EFHB: variants seen among roughly 807,000 people sequenced by gnomAD.
The protein encoded by EFHB is EF-hand domain-containing family member B.
EFHB carries 91 observed loss-of-function variants against 87.2 expected under a neutral mutation model. The observed-to-expected ratio is 1.04, with a 90% CI of 0.88 to 1.24. EFHB has a LOEUF of 1.24. Ranked by LOEUF, EFHB falls within the 50% of genes most tolerant of loss-of-function variation. The pLI, the probability that EFHB is intolerant of heterozygous loss-of-function variation, is 0.00. For synonymous variants in EFHB, 325 were observed against 333.6 expected, an observed-to-expected ratio of 0.97 and a Z score of 0.28; for missense variants, 1,084 against 998.8, an observed-to-expected ratio of 1.09 and a Z score of -1.15.
intron 3 of EFHB, among the ~76,000 whole-genome samples, chr3:19,918,805 T>C (rs963451262): frequency 2.4e-5 from 3 of 126,166 alleles, no homozygotes; most frequent in Admixed American, 1.6e-4. Flanking sequence ...TGAAACCCCA[T>C]AACTACTAAA....
intron 9 of EFHB, among the ~76,000 whole-genome samples, chr3:19,889,393 T>C (rs1169180417): frequency 6.6e-6 from 1 of 152,126 alleles, no homozygotes; most frequent in Non-Finnish European, 1.5e-5. Context: ...AAGGTCCCAG[T>C]TTTCTTGTTT....
chr3:19,883,581 T>A (rs2071735879), intron 11 of EFHB, among the ~76,000 whole-genome samples: 1 of 152,174 alleles, frequency 6.6e-6, no homozygotes, highest in South Asian at 2.1e-4. Flanking sequence ...CCTCCCAAAA[T>A]TTAGATGGTG....
chr3:19,935,608 AG>A (rs1695993689), upstream of EFHB, among the ~76,000 whole-genome samples: 1 of 152,112 alleles, frequency 6.6e-6, no homozygotes, highest in African/African-American at 2.4e-5. Flanking sequence ...GCTACTCAGG[AG>A]GCTGAGGCAA....
At chr3:19,904,427 C>T (rs567621078) in intron 6 of EFHB, among the ~76,000 whole-genome samples, 2 of 152,262 alleles carry the variant, frequency 1.3e-5, no homozygotes, top group Admixed American at 1.3e-4. Context: ...TGGCCTCAAG[C>T]TCCTGGGCTC....
At chr3:19,898,970 A>G in intron 7 of EFHB, 125 bp from the exon 8 acceptor site, 1 of 859,118 alleles carries the variant, frequency 1.2e-6, no homozygotes, top group Non-Finnish European at 1.8e-6. Context: ...TGAAGATCAA[A>G]CAAAAGTTCT....
In EFHB at chr3:19,897,830, C is replaced by T. The variant is rs950513134; in HGVS notation, c.1570+948G>A. Among the ~76,000 whole-genome samples, 13 of 152,216 alleles carry T rather than the reference C, an allele frequency of 8.5e-5. No individual in the cohort carries two copies. The East Asian group carries it at 2.1e-3, about 25-fold the overall frequency. On this transcript the variant is annotated intron_variant, in intron 8 of 12. Coordinates refer to ENST00000295824, the MANE Select transcript of EFHB (RefSeq NM_144715.4). ...TTTGTGTAAAAACAGAACCCAAATA[C>T]AATTTCCTAATGTAGTAATTAATGA... is the stretch of plus-strand genomic sequence containing the variant.
intron 1 of EFHB, among the ~76,000 whole-genome samples, chr3:19,929,792 A>G (rs1695767623): frequency 6.6e-6 from 1 of 152,022 alleles, no homozygotes; most frequent in Non-Finnish European, 1.5e-5. Context: ...GTAATAGTTA[A>G]ATCTTATAAA....
chr3:19,919,355 C>A (rs1260897189), intron 3 of EFHB, among the ~76,000 whole-genome samples: 1 of 151,650 alleles, frequency 6.6e-6, no homozygotes, highest in African/African-American at 2.4e-5. Context: ...TGCTACCATG[C>A]CCCAGCTGCT....
intron 7 of EFHB, 75 bp downstream of exon 7, chr3:19,899,357 C>G: frequency 9.4e-7 from 1 of 1,060,006 alleles, no homozygotes; most frequent in Admixed American, 2.5e-5. Flanking sequence ...AATAGGCACA[C>G]CAACAGTTAC....
chr3:19,921,204 T>A (rs1695424806), intron 1 of EFHB, among the ~76,000 whole-genome samples: 1 of 151,988 alleles, frequency 6.6e-6, no homozygotes, highest in South Asian at 2.1e-4. Context: ...GATGGATGAA[T>A]GAGTAGATGT....
chr3:19,899,418 A>C lies in EFHB; in HGVS notation c.1502+14T>G. 6.4e-7 allele frequency: 1 copy of C among 1,570,334 alleles called. No individual in the cohort carries two copies. Among genetic ancestry groups the C allele is most frequent in the Non-Finnish European group, 8.7e-7 (1 of 1,155,514 alleles). On this transcript the variant is annotated intron_variant, in intron 7 of 12. Coordinates refer to ENST00000295824, the MANE Select transcript of EFHB (RefSeq NM_144715.4). ...GCAAAGAAACTATCAATTTGAAGTT[A>C]ATCATTAACTTACGGATCTAAAACT...
chr3:19,930,757 C>CACAT (rs1695801098), intron 1 of EFHB, among the ~76,000 whole-genome samples: 3 of 152,116 alleles, frequency 2.0e-5, no homozygotes, highest in African/African-American at 7.2e-5. Context: ...CACATACTAC[C>CACAT]ACACCTGGCT....
rs1694403486 is a variant in EFHB at position 19,894,377 on chromosome 3, C to G, written c.1725+2310G>C. ...CTACTGCTACCCAATGTGTAACTCT[C>G]CCTCTAGATTTTCCATTCCCTAAAT... On this transcript the variant is annotated intron_variant, in intron 9 of 12. Coordinates refer to ENST00000295824, the MANE Select transcript of EFHB (RefSeq NM_144715.4). 4 of 152,174 alleles carry G rather than the reference C, an allele frequency of 2.6e-5. No individual in the cohort carries two copies. In the South Asian group the frequency reaches 8.3e-4, roughly 32 times the overall value. The allele number at this position is 152,174 out of a possible 1,614,324, so 9.4% of individuals were successfully genotyped here.
At chr3:19,934,987 T>C (rs566050648), upstream of EFHB, among the ~76,000 whole-genome samples, 72 of 152,146 alleles carry the variant, frequency 4.7e-4, no homozygotes, top group African/African-American at 1.6e-3. Context: ...CTGGGCTCAC[T>C]GCAAACTCCG....
intron 10 of EFHB, among the ~76,000 whole-genome samples, chr3:19,885,191 C>T (rs1574990200): frequency 6.7e-6 from 1 of 148,762 alleles, no homozygotes; most frequent in Non-Finnish European, 1.5e-5. Flanking sequence ...CATTGCACTC[C>T]AGCCTGGAGG....
At position 19,933,796 on chromosome 3, in the gene EFHB, C is replaced by G. The variant is rs1314014557; in HGVS notation, c.223G>C (p.Glu75Gln). The change falls in exon 1 of 13, where the codon GAA (glutamate) becomes CAA (glutamine). Residue 75 changes from glutamate (E) to glutamine (Q), a missense_variant. By Grantham distance (29) the Glu-to-Gln change is conservative. Coordinates refer to ENST00000295824, the MANE Select transcript of EFHB (RefSeq NM_144715.4). ...PLSKGLEMGL[E>Q]RQNISRTVMQ... ...ACAGTCCTAGAAATATTCTGTCTTT[C>G]TAATCCCATTTCAAGCCCCTTGCTC... 2 of 1,614,004 alleles carry G rather than the reference C, an allele frequency of 1.2e-6. No individual in the cohort carries two copies. Among genetic ancestry groups the G allele is most frequent in the Middle Eastern group, 1.6e-4 (1 of 6,062 alleles).
chr3:19,933,310 C>T lies in EFHB; in HGVS notation c.709G>A (p.Glu237Lys). 6.2e-7 allele frequency: 1 copy of T among 1,613,978 alleles called. No homozygotes were observed. The highest frequency in any genetic ancestry group is 8.5e-7 in the Non-Finnish European group (1 of 1,179,892). ...CGATCTGGAGGTTCCACTCCTGATTCAATGTTTCCAGCCTCCTTTCTCTGT... is the reference window on the plus strand; with the variant it reads ...CGATCTGGAGGTTCCACTCCTGATTTAATGTTTCCAGCCTCCTTTCTCTGT... Reference protein sequence around the residue: ...HEQRKEAGNIESGVEPPDRIR... With the variant: ...HEQRKEAGNIKSGVEPPDRIR... The change falls in exon 1 of 13, where the codon GAA becomes AAA. Residue 237 changes from glutamate (E) to lysine (K), a missense_variant. By Grantham distance (56) the Glu-to-Lys change is moderately conservative. Transcript: ENST00000295824.
intron 9 of EFHB, among the ~76,000 whole-genome samples, chr3:19,892,302 C>A (rs1694331753): frequency 1.3e-5 from 2 of 152,192 alleles, no homozygotes; most frequent in South Asian, 2.1e-4. Context: ...ATTGGAATGG[C>A]CTTCTCAAAA....
intron 9 of EFHB, among the ~76,000 whole-genome samples, chr3:19,889,222 T>C (rs557390872): frequency 6.6e-6 from 1 of 152,252 alleles, no homozygotes; most frequent in Admixed American, 6.5e-5. Flanking sequence ...GAGGGAAATG[T>C]ATAAGGGCTC....
Sources: gnomAD v4.1 joint callset for allele counts (sites outside exome capture counted in the v4.1 genomes callset) on GRCh38, gnomAD v4.1.1 for gene constraint, MANE v1.5 for transcripts, NCBI Gene and HGNC (gene_info 2026-07-23, HGNC 2026-07-21) for gene names.